The following TEX11 variants were observed in gnomAD, a reference collection of about 807,000 sequenced individuals.
TEX11 encodes the protein testis expressed 11, also known as testis-expressed protein 11.
Under a neutral mutation model 84.4 loss-of-function variants are expected in TEX11, and 7 were observed. The ratio of observed to expected loss-of-function variants is 0.08; its 90% confidence interval spans 0.05 to 0.16. The LOEUF is 0.16. Among genes scored for constraint, TEX11 ranks in the 10% least tolerant of loss-of-function variants. The pLI, the probability that TEX11 is intolerant of heterozygous loss-of-function variation, is 1.00. For missense variants in TEX11, 551 were observed against 660.5 expected (o/e 0.83, Z 1.82); for synonymous variants, 264 against 222.8 (o/e 1.18, Z -1.64).
chrX:70,820,634 T>G, intron 8 of TEX11, among the ~76,000 whole-genome samples: 1 of 111,228 alleles, frequency 9.0e-6, no homozygotes, highest in East Asian at 2.8e-4. Context: ...GGAGTAAACA[T>G]GTCCCATGGC....
At chrX:70,730,428 C>G (rs1195358004) in intron 11 of TEX11, among the ~76,000 whole-genome samples, 1 of 111,640 alleles carries the variant, frequency 9.0e-6, no homozygotes. Flanking sequence ...CAGAGACACA[C>G]ATAGGCTCAA....
At chrX:70,693,476 T>C (rs2090254247) in intron 13 of TEX11, among the ~76,000 whole-genome samples, 2 of 111,371 alleles carry the variant, frequency 1.8e-5, no homozygotes, top group South Asian at 7.6e-4. Context: ...GATGAACTTG[T>C]AGGGATGTTA....
intron 28 of TEX11, among the ~76,000 whole-genome samples, chrX:70,545,070 T>C (rs374887935): frequency 1.8e-3 from 192 of 108,923 alleles, no homozygotes; most frequent in South Asian, 0.013. Flanking sequence ...CCGGGTGTGG[T>C]GGCATGCACC....
chrX:70,568,151 A>G (rs924215397), intron 25 of TEX11, among the ~76,000 whole-genome samples: 1 of 111,473 alleles, frequency 9.0e-6, no homozygotes, highest in Admixed American at 9.5e-5. Context: ...TCCCTTTACC[A>G]TTATGTAATG....
chrX:70,641,344 T>C (rs946654712), intron 17 of TEX11, among the ~76,000 whole-genome samples: 1 of 110,976 alleles, frequency 9.0e-6, no homozygotes, highest in Non-Finnish European at 1.9e-5. Flanking sequence ...CCACTGTCAA[T>C]ATTAGACAGA....
At chrX:70,904,837 TTA>T (rs1289690811) in intron 2 of TEX11, among the ~76,000 whole-genome samples, 1 of 112,846 alleles carries the variant, frequency 8.9e-6, no homozygotes, top group Non-Finnish European at 1.9e-5. Context: ...TGTATATTGA[TTA>T]TGTTATAATA....
intron 15 of TEX11, among the ~76,000 whole-genome samples, chrX:70,676,027 G>C (rs1355740683): frequency 8.9e-6 from 1 of 111,875 alleles, no homozygotes; most frequent in Non-Finnish European, 1.9e-5. Flanking sequence ...ATGTCACTTA[G>C]CATAATGTCC....
At chrX:70,569,524 C>T (rs1234860174) in intron 25 of TEX11, among the ~76,000 whole-genome samples, 1 of 111,263 alleles carries the variant, frequency 9.0e-6, no homozygotes, top group African/African-American at 3.3e-5. Context: ...GTTTTTTCCC[C>T]ATCTTTGTGG....
At chrX:70,806,652 T>G in intron 9 of TEX11, 53 bp downstream of exon 9, 1 of 850,983 alleles carries the variant, frequency 1.2e-6, no homozygotes, top group South Asian at 2.2e-5. Context: ...AAATATTAAC[T>G]GACATCTATG....
At chrX:70,612,137 C>CAAT (rs561513499) in intron 20 of TEX11, among the ~76,000 whole-genome samples, 263 of 107,936 alleles carry the variant, frequency 2.4e-3, no homozygotes, top group South Asian at 4.6e-3. Context: ...GACACCATCT[C>CAAT]AATAATAATA....
chrX:70,737,936 A>G (rs746498120), intron 11 of TEX11, among the ~76,000 whole-genome samples: 2 of 111,865 alleles, frequency 1.8e-5, no homozygotes, highest in East Asian at 5.6e-4. Context: ...CTTACACTTT[A>G]TACAAAAATT....
At chrX:70,580,806 C>G (rs942556462) in intron 25 of TEX11, among the ~76,000 whole-genome samples, 1 of 111,520 alleles carries the variant, frequency 9.0e-6, no homozygotes, top group Non-Finnish European at 1.9e-5. Flanking sequence ...GAAATTGAAT[C>G]CCTGTTCTGA....
chrX:70,547,283 G>C (rs1337967843), intron 28 of TEX11, among the ~76,000 whole-genome samples: 2 of 110,986 alleles, frequency 1.8e-5, no homozygotes, highest in African/African-American at 6.5e-5. Flanking sequence ...TAATGGAAAT[G>C]TTCTAAAACT....
intron 12 of TEX11, chrX:70,724,142 A>G (rs765986807): frequency 9.3e-6 from 7 of 750,937 alleles, no homozygotes; most frequent in African/African-American, 2.3e-5. Flanking sequence ...GGTGACTCCA[A>G]TCATCTCTCT....
chrX:70,707,491 T>C (rs891817382), intron 13 of TEX11, among the ~76,000 whole-genome samples: 1 of 110,639 alleles, frequency 9.0e-6, no homozygotes, highest in Admixed American at 9.7e-5. Flanking sequence ...TCTTATCCAT[T>C]TCTAAGACCC....
Position 70,529,136 on chromosome X carries a change from G to C in TEX11, c.2737C>G (p.Pro913Ala), listed in dbSNP as rs1957368044. 8.3e-7 allele frequency: 1 copy of C among 1,210,656 alleles called. No individual in the cohort carries two copies. Among genetic ancestry groups the C allele is most frequent in the Non-Finnish European group, 1.1e-6 (1 of 894,853 alleles). Residue 913 changes from proline (P) to alanine (A), a missense_variant, in exon 30 of 30, where the codon CCA (proline) becomes GCA (alanine). Coordinates refer to ENST00000374333, the MANE Select transcript of TEX11 (RefSeq NM_031276.3). ...CAGTAGCCATGTTCATGAAAAACTG[G>C]GCCCTTGTTGTTACTCAATGCTTCC... is the stretch of plus-strand genomic sequence containing the variant. ...LVEALSNNKG[P>A]VFHEHGYWSK... is the part of the protein sequence containing the mutation.
At chrX:70,779,814 A>G (rs1421658964) in intron 9 of TEX11, among the ~76,000 whole-genome samples, 1 of 111,971 alleles carries the variant, frequency 8.9e-6, no homozygotes. Context: ...TCCTAGATAT[A>G]TACAACATAT....
chrX:70,756,356 C>T (rs2147764298), intron 9 of TEX11, among the ~76,000 whole-genome samples: 1 of 111,817 alleles, frequency 8.9e-6, no homozygotes, highest in East Asian at 2.9e-4. Flanking sequence ...GGAGACACCT[C>T]CCAGTAGGGG....
At chrX:70,696,636 G>A (rs1028280477) in intron 13 of TEX11, among the ~76,000 whole-genome samples, 10 of 110,820 alleles carry the variant, frequency 9.0e-5, no homozygotes, top group Non-Finnish European at 1.7e-4. Flanking sequence ...AGGTATGGTG[G>A]TGTGCGCCTG....
Sources: gnomAD v4.1 joint callset for allele counts (sites outside exome capture counted in the v4.1 genomes callset) on GRCh38, gnomAD v4.1.1 for gene constraint, MANE v1.5 for transcripts, NCBI Gene and HGNC (gene_info 2026-07-23, HGNC 2026-07-21) for gene names.